Variants in MTUS2 observed in about 807,000 individuals in gnomAD.
The protein encoded by MTUS2 is microtubule associated scaffold protein 2.
A neutral mutation model predicts 114.1 loss-of-function variants in MTUS2; 40 were observed. The ratio of observed to expected loss-of-function variants is 0.35; its 90% CI spans 0.27 to 0.46. MTUS2 has a LOEUF of 0.46. Ranked by LOEUF, MTUS2 falls within the 20% of genes least tolerant of loss-of-function variation. The pLI is 1.00. For synonymous variants in MTUS2, 688 were observed against 672.0 expected, an observed-to-expected ratio of 1.02 and a Z score of -0.37; for missense variants, 1,679 against 1,705.4, an observed-to-expected ratio of 0.98 and a Z score of 0.27.
At chr13:28,904,052 T>A (rs1294178964) in intron 2 of MTUS2, among the ~76,000 whole-genome samples, 1 of 152,218 alleles carries the variant, frequency 6.6e-6, no homozygotes, top group Non-Finnish European at 1.5e-5. Context: ...GCTGCATAAA[T>A]GTCTTCTTTT....
chr13:28,855,801 G>C (rs1336314379), intron 2 of MTUS2, among the ~76,000 whole-genome samples: 2 of 152,106 alleles, frequency 1.3e-5, no homozygotes, highest in African/African-American at 2.4e-5. Context: ...TAATGGGATT[G>C]CTGGGTCAAA....
At chr13:29,006,780 G>C (rs945542662) in intron 2 of MTUS2, among the ~76,000 whole-genome samples, 8 of 152,184 alleles carry the variant, frequency 5.3e-5, no homozygotes, top group African/African-American at 1.7e-4. Context: ...GAAACATCCT[G>C]AGTTGCCATT....
chr13:28,900,703 C>T (rs1879596478), intron 2 of MTUS2, among the ~76,000 whole-genome samples: 1 of 152,174 alleles, frequency 6.6e-6, no homozygotes, highest in Non-Finnish European at 1.5e-5. Flanking sequence ...TCGTTCTAGG[C>T]TGTCACAAAT....
intron 8 of MTUS2, among the ~76,000 whole-genome samples, chr13:29,367,203 C>T (rs1343195377): frequency 6.6e-6 from 1 of 151,930 alleles, no homozygotes; most frequent in Non-Finnish European, 1.5e-5. Context: ...GAGAGAGGAA[C>T]GTGGCTTGTG....
chr13:28,867,811 C>T (rs1877391699), intron 2 of MTUS2, among the ~76,000 whole-genome samples: 1 of 152,136 alleles, frequency 6.6e-6, no homozygotes, highest in Admixed American at 6.6e-5. Flanking sequence ...ACTGTTGCAG[C>T]TCCTGTTCTT....
intron 4 of MTUS2, among the ~76,000 whole-genome samples, chr13:29,052,566 G>A (rs1003132391): frequency 2.6e-5 from 4 of 152,038 alleles, no homozygotes; most frequent in African/African-American, 9.7e-5. Flanking sequence ...CCAAGCAAAT[G>A]GACAAAGCCT....
chr13:29,470,954 A>G (rs1310062784), intron 9 of MTUS2, among the ~76,000 whole-genome samples: 1 of 152,100 alleles, frequency 6.6e-6, no homozygotes, highest in African/African-American at 2.4e-5. Flanking sequence ...TATCCACCCC[A>G]GCTGAACTTG....
chr13:29,227,683 G>A (rs1017695954), intron 5 of MTUS2, among the ~76,000 whole-genome samples: 1 of 152,210 alleles, frequency 6.6e-6, no homozygotes, highest in Non-Finnish European at 1.5e-5. Context: ...CTCTGAGAGG[G>A]AAGTTACTTT....
chr13:29,264,581 TC>T (rs1436939380), intron 5 of MTUS2, among the ~76,000 whole-genome samples: 1 of 152,236 alleles, frequency 6.6e-6, no homozygotes, highest in Non-Finnish European at 1.5e-5. Context: ...CCATGCATCC[TC>T]TGAAACCTAG....
At chr13:29,242,081 A>G (rs971188374) in intron 5 of MTUS2, among the ~76,000 whole-genome samples, 6 of 152,200 alleles carry the variant, frequency 3.9e-5, no homozygotes, top group Admixed American at 3.9e-4. Context: ...CATTTTCTTT[A>G]TGCATAACTA....
At chr13:29,483,479 C>CACACT (rs1881359907) in intron 10 of MTUS2, among the ~76,000 whole-genome samples, 1 of 152,168 alleles carries the variant, frequency 6.6e-6, no homozygotes, top group Admixed American at 6.5e-5. Flanking sequence ...GTTAGAACAC[C>CACACT]GCTTCTCAGC....
chr13:28,842,688 TGCA>T (rs1162201696), intron 2 of MTUS2, among the ~76,000 whole-genome samples: 1 of 152,208 alleles, frequency 6.6e-6, no homozygotes, highest in Non-Finnish European at 1.5e-5. Flanking sequence ...GTATATACTC[TGCA>T]GCAAGAGAGA....
At chr13:28,944,661 G>A (rs1054535703) in intron 2 of MTUS2, among the ~76,000 whole-genome samples, 1 of 152,138 alleles carries the variant, frequency 6.6e-6, no homozygotes, top group Non-Finnish European at 1.5e-5. Flanking sequence ...TAAAACTTGT[G>A]ATGACTTAGT....
intron 4 of MTUS2, among the ~76,000 whole-genome samples, chr13:29,092,887 T>TTG (rs1391705332): frequency 6.6e-6 from 1 of 152,198 alleles, no homozygotes; most frequent in Non-Finnish European, 1.5e-5. Context: ...TTGAAATGGC[T>TTG]TGAGAGCACA....
At chr13:29,254,316 A>C (rs1897225363) in intron 5 of MTUS2, among the ~76,000 whole-genome samples, 1 of 152,254 alleles carries the variant, frequency 6.6e-6, no homozygotes, top group Admixed American at 6.5e-5. Flanking sequence ...GAGGCAACGA[A>C]CAAACAGGCA....
rs111326300 is a variant in MTUS2 at position 29,376,037 on chromosome 13, A to G, written c.3117+16564A>G. Among the ~76,000 whole-genome samples the G allele has an allele frequency of 3.2e-3, 314 of 98,046 alleles. 1 individual carries two copies. Among genetic ancestry groups the G allele is most frequent in the African/African-American group, 9.3e-3 (209 of 22,376 alleles). The allele number at this position is 98,046 out of a possible 152,430, so 64.3% of individuals were successfully genotyped here. A position where few individuals can be genotyped will look rare whatever the true frequency, so the allele number is the denominator to read the frequency against. ...TGTATGTATGTGTGTGTATATATAT[A>G]TATGTGTGTGTGTGTGTGTGTGTAT... On this transcript the variant is annotated intron_variant, in intron 8 of 15. Transcript: ENST00000612955.
At chr13:28,968,802 A>G (rs1340759098) in intron 2 of MTUS2, among the ~76,000 whole-genome samples, 1 of 152,300 alleles carries the variant, frequency 6.6e-6, no homozygotes, top group East Asian at 1.9e-4. Context: ...ATTTGTTTCT[A>G]AAACATTCTT....
intron 5 of MTUS2, among the ~76,000 whole-genome samples, chr13:29,149,164 C>T (rs879028959): frequency 6.6e-6 from 1 of 152,200 alleles, no homozygotes; most frequent in African/African-American, 2.4e-5. Flanking sequence ...AAAGGCATTC[C>T]TATTTCTTCA....
At chr13:29,091,110 T>C (rs2138777093) in intron 4 of MTUS2, among the ~76,000 whole-genome samples, 1 of 152,170 alleles carries the variant, frequency 6.6e-6, no homozygotes, top group South Asian at 2.1e-4. Context: ...GTCTGTATCC[T>C]TCCTCTATTG....
Sources: gnomAD v4.1 joint callset for allele counts (sites outside exome capture counted in the v4.1 genomes callset) on GRCh38, gnomAD v4.1.1 for gene constraint, MANE v1.5 for transcripts, NCBI Gene and HGNC (gene_info 2026-07-23, HGNC 2026-07-21) for gene names.